SUGCT: variants seen among roughly 807,000 people sequenced by gnomAD.
SUGCT encodes succinyl-CoA:glutarate CoA-transferase.
In SUGCT, 41 loss-of-function variants were observed where a neutral mutation model predicts 55.0. The ratio of observed to expected loss-of-function variants is 0.74; its 90% confidence interval spans 0.58 to 0.97. SUGCT has a LOEUF of 0.97. Ranked by LOEUF, SUGCT falls within the 50% of genes least tolerant of loss-of-function variation. SUGCT has a pLI of 0.00. For synonymous variants in SUGCT, 187 were observed against 200.4 expected (o/e 0.93, Z 0.56); for missense variants, 568 against 547.8 (o/e 1.04, Z -0.37).
At chr7:40,295,491 A>G (rs903475014) in intron 8 of SUGCT, among the ~76,000 whole-genome samples, 1 of 152,152 alleles carries the variant, frequency 6.6e-6, no homozygotes. Context: ...CAGGCGAATC[A>G]CTTGAACCTG....
At chr7:40,704,816 G>C (rs1785322681) in intron 12 of SUGCT, among the ~76,000 whole-genome samples, 1 of 152,190 alleles carries the variant, frequency 6.6e-6, no homozygotes, top group African/African-American at 2.4e-5. Context: ...ATTCATTGAA[G>C]AAGGTACTGC....
intron 6 of SUGCT, among the ~76,000 whole-genome samples, chr7:40,234,233 G>A (rs757911059): frequency 3.9e-5 from 6 of 152,198 alleles, no homozygotes; most frequent in Non-Finnish European, 8.8e-5. Flanking sequence ...AATTTCTTTT[G>A]TTGACTTCCT....
At chr7:40,472,765 G>A (rs560441730) in intron 11 of SUGCT, among the ~76,000 whole-genome samples, 66 of 152,172 alleles carry the variant, frequency 4.3e-4, no homozygotes, top group African/African-American at 1.5e-3. Context: ...CACAGAACAT[G>A]GAGGTCAAAA....
At chr7:40,415,450 CTT>C (rs1786948696) in intron 9 of SUGCT, among the ~76,000 whole-genome samples, 2 of 150,274 alleles carry the variant, frequency 1.3e-5, no homozygotes, top group African/African-American at 4.9e-5. Flanking sequence ...TGTAGAAACT[CTT>C]TTTAAAATGT....
At chr7:40,943,668 C>T in the SUGCT span, among the ~76,000 whole-genome samples, 2 of 149,738 alleles carry the variant, frequency 1.3e-5, no homozygotes, top group Non-Finnish European at 3.0e-5. Context: ...TTTTCTTAAT[C>T]CAGTCTATCA....
intron 1 of SUGCT, among the ~76,000 whole-genome samples, chr7:40,171,774 G>A (rs972560580): frequency 2.6e-5 from 4 of 152,192 alleles, no homozygotes; most frequent in African/African-American, 9.6e-5. Context: ...TGATAGGAAG[G>A]CTAGGTATGT....
intron 6 of SUGCT, among the ~76,000 whole-genome samples, chr7:40,234,632 C>G (rs556650960): frequency 6.6e-6 from 1 of 151,916 alleles, no homozygotes; most frequent in Non-Finnish European, 1.5e-5. Context: ...TTTATGTGGC[C>G]GGGCGTGGTA....
At chr7:40,455,211 C>A (rs1415918969) in intron 10 of SUGCT, among the ~76,000 whole-genome samples, 1 of 152,070 alleles carries the variant, frequency 6.6e-6, no homozygotes, top group African/African-American at 2.4e-5. Context: ...CATTAAACAT[C>A]TATCATTAAA....
At chr7:40,400,585 A>G (rs368949010) in intron 9 of SUGCT, among the ~76,000 whole-genome samples, 1 of 152,170 alleles carries the variant, frequency 6.6e-6, no homozygotes, top group East Asian at 1.9e-4. Context: ...TTCTATCTCC[A>G]TCTTGGCATC....
intron 12 of SUGCT, among the ~76,000 whole-genome samples, chr7:40,699,352 G>A (rs1328219771): frequency 6.6e-6 from 1 of 152,114 alleles, no homozygotes; most frequent in Non-Finnish European, 1.5e-5. Context: ...AGGTTTGTGT[G>A]TGCAGATGGG....
intron 12 of SUGCT, among the ~76,000 whole-genome samples, chr7:40,677,223 T>G (rs1784038258): frequency 6.6e-6 from 1 of 152,192 alleles, no homozygotes; most frequent in Admixed American, 6.5e-5. Flanking sequence ...TCTCTTTCAT[T>G]CGGCCAACTC....
At chr7:40,509,217 A>T (rs1304785466) in intron 12 of SUGCT, among the ~76,000 whole-genome samples, 3 of 152,172 alleles carry the variant, frequency 2.0e-5, no homozygotes, top group Non-Finnish European at 4.4e-5. Context: ...ATACAGTCAT[A>T]TTCTCAAGTT....
At chr7:40,990,297 G>A in the SUGCT span, among the ~76,000 whole-genome samples, 1 of 152,218 alleles carries the variant, frequency 6.6e-6, no homozygotes, top group African/African-American at 2.4e-5. Context: ...CATTTTATTA[G>A]TTTGGTGCAA....
chr7:40,896,919 G>GA, the SUGCT span, among the ~76,000 whole-genome samples: 1 of 152,038 alleles, frequency 6.6e-6, no homozygotes, highest in Non-Finnish European at 1.5e-5. Flanking sequence ...CGAACAAAAA[G>GA]AACAAAGCTG....
chr7:40,711,525 G>C (rs1401198954), intron 12 of SUGCT, among the ~76,000 whole-genome samples: 1 of 151,970 alleles, frequency 6.6e-6, no homozygotes. Flanking sequence ...AAAAAGAAAA[G>C]CTGGAAATCA....
the SUGCT span, among the ~76,000 whole-genome samples, chr7:40,979,058 C>T: frequency 6.6e-6 from 1 of 151,990 alleles, no homozygotes; most frequent in African/African-American, 2.4e-5. Flanking sequence ...GTTGATGTAC[C>T]CCCATATTCA....
chr7:40,790,489 T>C (rs925611619), intron 13 of SUGCT, among the ~76,000 whole-genome samples: 1 of 152,168 alleles, frequency 6.6e-6, no homozygotes, highest in Admixed American at 6.6e-5. Flanking sequence ...TCTAAGTACT[T>C]AGTGAGCCAT....
At chr7:40,960,598 T>C in the SUGCT span, among the ~76,000 whole-genome samples, 1 of 152,354 alleles carries the variant, frequency 6.6e-6, no homozygotes, top group East Asian at 1.9e-4. Context: ...CCATGTACTT[T>C]AGTAGCACTA....
At chr7:40,318,212 TTTCAGA>T (rs1454493653) in intron 9 of SUGCT, among the ~76,000 whole-genome samples, 1 of 152,234 alleles carries the variant, frequency 6.6e-6, no homozygotes, top group Admixed American at 6.5e-5. Context: ...TTGAGTATTC[TTTCAGA>T]TTCTGCTACC....
Sources: gnomAD v4.1 joint callset for allele counts (sites outside exome capture counted in the v4.1 genomes callset) on GRCh38, gnomAD v4.1.1 for gene constraint, MANE v1.5 for transcripts, NCBI Gene and HGNC (gene_info 2026-07-23, HGNC 2026-07-21) for gene names.